CCDC57: variants seen among roughly 807,000 people sequenced by gnomAD.
CCDC57 encodes coiled-coil domain containing 57.
CCDC57 carries 118 observed loss-of-function variants against 118.9 expected under a neutral mutation model. The observed-to-expected ratio is 0.99, with a 90% CI of 0.86 to 1.16. The LOEUF (loss-of-function observed/expected upper bound fraction) is 1.16, where lower values mean the gene tolerates loss of function less well. CCDC57 is among the 50% of genes most tolerant of loss of function. CCDC57 has a pLI of 0.00. For synonymous variants in CCDC57, 527 were observed against 532.9 expected, an observed-to-expected ratio of 0.99 and a Z score of 0.15; for missense variants, 1,300 against 1,320.7, an observed-to-expected ratio of 0.98 and a Z score of 0.24.
intron 14 of CCDC57, among the ~76,000 whole-genome samples, chr17:82,162,161 G>C (rs148566139): frequency 6.6e-6 from 1 of 151,864 alleles, no homozygotes; most frequent in South Asian, 2.1e-4. Context: ...CACCACTCCC[G>C]GCTAATTTTT....
intron 2 of CCDC57, among the ~76,000 whole-genome samples, chr17:82,204,844 C>G (rs1336682178): frequency 2.6e-5 from 4 of 152,236 alleles, no homozygotes; most frequent in African/African-American, 7.2e-5. Flanking sequence ...ACCCCAGGCT[C>G]CTGCCTGTCG....
In CCDC57 at chr17:82,118,136, C is replaced by G. The variant is rs2036171350; in HGVS notation, c.2899+9556G>C. Among the ~76,000 whole-genome samples the G allele has an allele frequency of 6.6e-6, 1 of 152,096 alleles. No homozygotes were observed. Among genetic ancestry groups the G allele is most frequent in the Non-Finnish European group, 1.5e-5 (1 of 68,028 alleles). The stretch of plus-strand genomic sequence containing the variant: ...TAAATAAAAAAGCAAGCTGCCCCCA[C>G]GATATGCAATTGACAAGAAAAGAGG... On this transcript the variant is annotated intron_variant, in intron 19 of 19. Coordinates refer to ENST00000665763, the Ensembl canonical transcript of CCDC57. The surrounding 1 kb of genome is among the most constrained non-coding windows in gnomAD (Gnocchi z 4.7).
intron 13 of CCDC57, among the ~76,000 whole-genome samples, chr17:82,170,507 CAAAAA>C (rs35462707): frequency 1.0e-5 from 1 of 99,268 alleles, no homozygotes. Context: ...GACTCTGTCC[CAAAAA>C]AAAAAAAAAA....
intron 13 of CCDC57, among the ~76,000 whole-genome samples, chr17:82,168,000 C>T (rs1371477421): frequency 1.3e-5 from 2 of 152,236 alleles, no homozygotes; most frequent in African/African-American, 4.8e-5. Flanking sequence ...TCCTGACATT[C>T]CTAGTTTCCT....
chr17:82,103,791 G>A (rs541324391), intron 19 of CCDC57, among the ~76,000 whole-genome samples: 198 of 152,250 alleles, frequency 1.3e-3, no homozygotes, highest in Non-Finnish European at 1.9e-3. Flanking sequence ...ATCCCGGGGC[G>A]AAGCAGGGAG....
intron 2 of CCDC57, among the ~76,000 whole-genome samples, chr17:82,207,389 A>C (rs898150462): frequency 7.2e-5 from 11 of 152,020 alleles, no homozygotes; most frequent in African/African-American, 2.7e-4. Flanking sequence ...ATGCAGCTAC[A>C]GGCTACAAGA....
At chr17:82,174,054 T>C (rs2045134853) in intron 11 of CCDC57, among the ~76,000 whole-genome samples, 1 of 152,128 alleles carries the variant, frequency 6.6e-6, no homozygotes, top group Non-Finnish European at 1.5e-5. Context: ...AGTCCCAGGG[T>C]CTGGCCCAAC....
intron 14 of CCDC57, chr17:82,160,103 G>A (rs1484887500): frequency 1.3e-5 from 2 of 152,196 alleles, no homozygotes; most frequent in African/African-American, 4.8e-5. Flanking sequence ...GAGATGTTCT[G>A]CGTTAGAGAA....
At chr17:82,205,900 C>A (rs933106437) in intron 2 of CCDC57, among the ~76,000 whole-genome samples, 2 of 152,264 alleles carry the variant, frequency 1.3e-5, no homozygotes, top group African/African-American at 4.8e-5. Flanking sequence ...TCCTTCTGAC[C>A]TCATCATAGA....
At chr17:82,211,898 G>A (rs192822084) in intron 1 of CCDC57, among the ~76,000 whole-genome samples, 1 of 152,136 alleles carries the variant, frequency 6.6e-6, no homozygotes, top group African/African-American at 2.4e-5. Context: ...TTATCACTTT[G>A]TGATAATTTA....
chr17:82,142,551 A>C (rs1357545759), intron 16 of CCDC57, among the ~76,000 whole-genome samples: 1 of 152,028 alleles, frequency 6.6e-6, no homozygotes, highest in Non-Finnish European at 1.5e-5. Flanking sequence ...TGACCTCGTG[A>C]TCTGCCTGCC....
At chr17:82,195,112 AT>A in intron 5 of CCDC57, 150 bp downstream of exon 4, 3 of 663,676 alleles carry the variant, frequency 4.5e-6, no homozygotes, top group Non-Finnish European at 8.1e-6. Flanking sequence ...GGGCATCCAC[AT>A]GGCCCACCTG....
chr17:82,140,727 C>A (rs1245708584), intron 16 of CCDC57, among the ~76,000 whole-genome samples: 2 of 152,210 alleles, frequency 1.3e-5, no homozygotes, highest in African/African-American at 4.8e-5. Flanking sequence ...CAGTCACCAG[C>A]AGCCACTTGT....
chr17:82,137,431 G>A (rs374790319), intron 16 of CCDC57, among the ~76,000 whole-genome samples: 24 of 152,300 alleles, frequency 1.6e-4, no homozygotes, highest in East Asian at 1.3e-3. Context: ...GTAATTTTCC[G>A]TGCTTTTGTT....
chr17:82,122,805 C>T (rs1336696328), intron 19 of CCDC57, among the ~76,000 whole-genome samples: 2 of 152,250 alleles, frequency 1.3e-5, no homozygotes, highest in Non-Finnish European at 2.9e-5. Flanking sequence ...CATCCCATTT[C>T]CCACTGCCTA....
chr17:82,128,709 T>TA, intron 17 of CCDC57, 112 bp from the exon 17 acceptor site: 1 of 859,032 alleles, frequency 1.2e-6, no homozygotes, highest in East Asian at 2.7e-5. Context: ...TTTCTGGTAT[T>TA]AAAGACTCAC....
intron 13 of CCDC57, among the ~76,000 whole-genome samples, chr17:82,170,310 C>T (rs995070493): frequency 6.6e-6 from 1 of 152,024 alleles, no homozygotes; most frequent in Non-Finnish European, 1.5e-5. Context: ...GAGTTCGGGA[C>T]CAGCCTGACC....
At chr17:82,122,553 C>T (rs1299911631) in intron 19 of CCDC57, among the ~76,000 whole-genome samples, 1 of 145,478 alleles carries the variant, frequency 6.9e-6, no homozygotes, top group Non-Finnish European at 1.5e-5. Context: ...ACCCACTGCA[C>T]CTGCAGCCAC....
At chr17:82,195,066 C>T (rs2048137951) in intron 5 of CCDC57, among the ~76,000 whole-genome samples, 197 bp downstream of exon 4, 1 of 152,274 alleles carries the variant, frequency 6.6e-6, no homozygotes, top group African/African-American at 2.4e-5. Flanking sequence ...CCGGTGCCCA[C>T]CTTTGACGGG....
Sources: gnomAD v4.1 joint callset for allele counts (sites outside exome capture counted in the v4.1 genomes callset) on GRCh38, gnomAD v4.1.1 for gene constraint, Gnocchi (gnomAD v3.1) non-coding constraint, MANE v1.5 for transcripts, NCBI Gene and HGNC (gene_info 2026-07-23, HGNC 2026-07-21) for gene names.